RPH3A: variants seen among roughly 807,000 people sequenced by gnomAD.
RPH3A encodes the protein rabphilin 3A.
Under a neutral mutation model 102.2 loss-of-function variants are expected in RPH3A, and 48 were observed. That is an observed-to-expected ratio of 0.47 (90% CI 0.37 to 0.60). The LOEUF is 0.60. RPH3A is among the 20% of genes least tolerant of loss of function. The pLI is 0.00. For missense variants in RPH3A, 781 were observed against 910.1 expected, an observed-to-expected ratio of 0.86 and a Z score of 1.83; for synonymous variants, 310 against 324.3, an observed-to-expected ratio of 0.96 and a Z score of 0.47.
At chr12:112,654,467 C>A (rs559224927) in intron 1 of RPH3A, among the ~76,000 whole-genome samples, 4 of 152,114 alleles carry the variant, frequency 2.6e-5, no homozygotes, top group East Asian at 1.9e-4. Flanking sequence ...CCTCAGGAAC[C>A]ACCTCTAGGA....
At chr12:112,716,587 G>A (rs758778028) in intron 1 of RPH3A, among the ~76,000 whole-genome samples, 2 of 152,186 alleles carry the variant, frequency 1.3e-5, no homozygotes, top group African/African-American at 4.8e-5. Context: ...CAACACAAAC[G>A]TTCTGTTAAA....
intron 1 of RPH3A, among the ~76,000 whole-genome samples, chr12:112,652,754 C>A (rs1258709205): frequency 6.6e-6 from 1 of 152,214 alleles, no homozygotes; most frequent in Non-Finnish European, 1.5e-5. Context: ...ATGTTTCAGG[C>A]ACAGTTTAGG....
chr12:112,713,041 T>G (rs61044487), intron 1 of RPH3A, among the ~76,000 whole-genome samples: 5 of 83,726 alleles, frequency 6.0e-5, no homozygotes, highest in East Asian at 6.8e-4. Flanking sequence ...CTTCTTCTTC[T>G]TCTTCTTCTC....
chr12:112,664,579 C>G (rs1379495729), intron 1 of RPH3A, among the ~76,000 whole-genome samples: 5 of 152,080 alleles, frequency 3.3e-5, no homozygotes, highest in Non-Finnish European at 5.9e-5. Context: ...GGATTGGCCC[C>G]CTGGGGGTTT....
intron 1 of RPH3A, among the ~76,000 whole-genome samples, chr12:112,743,394 T>C (rs115645794): frequency 0.016 from 2,431 of 152,306 alleles, 50 homozygotes; most frequent in African/African-American, 0.055. Flanking sequence ...CTGCAATATT[T>C]GTTTCCCATC....
At chr12:112,618,150 A>T (rs1490640051) in intron 1 of RPH3A, among the ~76,000 whole-genome samples, 1 of 152,154 alleles carries the variant, frequency 6.6e-6, no homozygotes, top group Non-Finnish European at 1.5e-5. Context: ...CCATGCACAC[A>T]GCACTGGGGA....
intron 1 of RPH3A, among the ~76,000 whole-genome samples, chr12:112,598,090 C>T (rs2135967111): frequency 6.6e-6 from 1 of 152,330 alleles, no homozygotes; most frequent in Middle Eastern, 3.4e-3. Flanking sequence ...ACTAGTAGGG[C>T]ACCACAGTTG....
intron 11 of RPH3A, 123 bp downstream of exon 11, chr12:112,875,293 T>A: frequency 1.4e-6 from 1 of 729,292 alleles, no homozygotes; most frequent in Non-Finnish European, 2.2e-6. Flanking sequence ...AACTAAATCT[T>A]AACCTCTTCT....
At chr12:112,617,354 A>G (rs1019355052) in intron 1 of RPH3A, among the ~76,000 whole-genome samples, 5 of 152,152 alleles carry the variant, frequency 3.3e-5, no homozygotes, top group Admixed American at 2.6e-4. Flanking sequence ...GCATCCCCAA[A>G]TGGCCACCCT....
chr12:112,773,795 T>G (rs2040944427), intron 1 of RPH3A, among the ~76,000 whole-genome samples: 1 of 151,966 alleles, frequency 6.6e-6, no homozygotes, highest in Non-Finnish European at 1.5e-5. Flanking sequence ...AGAAAGGCAG[T>G]AGGGGCCAGG....
intron 1 of RPH3A, among the ~76,000 whole-genome samples, chr12:112,577,554 G>C (rs910475862): frequency 2.6e-5 from 4 of 152,168 alleles, no homozygotes; most frequent in African/African-American, 9.7e-5. Context: ...TTTGTGACCT[G>C]TATCTTGTGC....
intron 1 of RPH3A, among the ~76,000 whole-genome samples, chr12:112,602,055 CT>C (rs1353546819): frequency 2.0e-5 from 3 of 152,222 alleles, no homozygotes; most frequent in Non-Finnish European, 4.4e-5. Context: ...GTGGGTATTG[CT>C]GAGGCGGGGC....
intron 1 of RPH3A, among the ~76,000 whole-genome samples, chr12:112,761,373 G>T (rs1473223079): frequency 6.6e-6 from 1 of 152,236 alleles, no homozygotes; most frequent in Non-Finnish European, 1.5e-5. Flanking sequence ...GGTAGGCAAT[G>T]GATAGGTTTC....
In RPH3A at chr12:112,663,059, G is replaced by GGT. The variant is rs60392620; in HGVS notation, c.-140+87768_-140+87769dup. Among the ~76,000 whole-genome samples the GGT allele has an allele frequency of 1.0e-2, 1,406 of 141,180 alleles. 21 individuals carry two copies. Among genetic ancestry groups the GGT allele is most frequent in the East Asian group, 0.061 (285 of 4,690 alleles). 92.6% of individuals were successfully genotyped at this position (141,180 alleles called of 152,430 possible). A position where few individuals can be genotyped will look rare whatever the true frequency, so the allele number is the denominator to read the frequency against. ...CAGAGATGAGGATGGCTAAGTGATT[G>GGT]GTGTGTGTGTGTGTGTGTGTGTGTG... On this transcript the variant is annotated intron_variant, in intron 1 of 21. Transcript: ENST00000543106.
chr12:112,743,908 T>G (rs2040726625), intron 1 of RPH3A, among the ~76,000 whole-genome samples: 1 of 152,184 alleles, frequency 6.6e-6, no homozygotes, highest in African/African-American at 2.4e-5. Flanking sequence ...CACTTTATAA[T>G]TGTGTACACA....
chr12:112,620,770 C>A (rs1220105825), intron 1 of RPH3A, among the ~76,000 whole-genome samples: 1 of 152,190 alleles, frequency 6.6e-6, no homozygotes, highest in Non-Finnish European at 1.5e-5. Context: ...CCACTCCATC[C>A]TTCCCATTGC....
intron 1 of RPH3A, among the ~76,000 whole-genome samples, chr12:112,694,650 G>GCACACACACA (rs71086119): frequency 1.3e-4 from 13 of 98,600 alleles, no homozygotes; most frequent in East Asian, 1.1e-3. Context: ...GCGCGCACAC[G>GCACACACACA]CACACACACA....
intron 1 of RPH3A, among the ~76,000 whole-genome samples, chr12:112,644,463 A>C (rs1162984559): frequency 1.3e-5 from 2 of 152,132 alleles, no homozygotes; most frequent in Non-Finnish European, 2.9e-5. Context: ...GTTGCTCCTG[A>C]TGGCATGAAT....
intron 2 of RPH3A, among the ~76,000 whole-genome samples, chr12:112,818,735 G>A (rs1264039844): frequency 6.6e-6 from 1 of 152,112 alleles, no homozygotes. Context: ...TACTGAGAGA[G>A]GATGTTTTCC....
Sources: allele counts gnomAD v4.1 joint callset (sites outside exome capture counted in the v4.1 genomes callset), GRCh38; gene constraint gnomAD v4.1.1; transcripts MANE v1.5; gene names NCBI Gene and HGNC (gene_info 2026-07-23, HGNC 2026-07-21).